WDR7: variants seen among roughly 807,000 people sequenced by gnomAD.
WDR7 encodes the protein WD repeat domain 7.
WDR7 carries 46 observed loss-of-function variants against 169.4 expected under a neutral mutation model. That is an observed-to-expected ratio of 0.27 (90% CI 0.21 to 0.35). The LOEUF is 0.35. Among genes scored for constraint, WDR7 ranks in the 10% least tolerant of loss-of-function variants. The pLI is 1.00. For synonymous variants in WDR7, 612 were observed against 666.8 expected (o/e 0.92, Z 1.27); for missense variants, 1,534 against 1,859.3 (o/e 0.83, Z 3.22).
intron 14 of WDR7, among the ~76,000 whole-genome samples, chr18:56,732,372 A>C (rs551425479): frequency 6.6e-6 from 1 of 152,340 alleles, no homozygotes; most frequent in African/African-American, 2.4e-5. Context: ...AGTTCCATCT[A>C]AATATTCATT....
intron 19 of WDR7, 56 bp from the exon 20 acceptor site, chr18:56,815,975 G>C: frequency 7.1e-7 from 1 of 1,398,704 alleles, no homozygotes; most frequent in Non-Finnish European, 9.6e-7. Flanking sequence ...CAAACTTTCT[G>C]TTTGCTTTAC....
intron 20 of WDR7, among the ~76,000 whole-genome samples, chr18:56,822,342 C>T (rs983992090): frequency 9.2e-5 from 14 of 152,150 alleles, no homozygotes; most frequent in Admixed American, 2.0e-4. Context: ...TATGTTTATA[C>T]ACTAAAGTCA....
Position 56,923,149 on chromosome 18 carries a change from C to T in WDR7, c.3527-773C>T, listed in dbSNP as rs149390345. Among the ~76,000 whole-genome samples, 468 of 152,282 alleles carry T rather than the reference C, an allele frequency of 3.1e-3. 1 individual carries two copies. Among genetic ancestry groups the T allele is most frequent in the Non-Finnish European group, 5.5e-3 (377 of 68,004 alleles). On this transcript the variant is annotated intron_variant, in intron 21 of 27. Coordinates refer to ENST00000254442, the MANE Select transcript of WDR7 (RefSeq NM_015285.3). ...AAAAACTCTTCTAAATTACAATTGG[C>T]TTTTCGTAACCCCTGCTGGTTTTCT...
At chr18:56,664,018 G>A (rs1324721311) in intron 1 of WDR7, among the ~76,000 whole-genome samples, 3 of 151,952 alleles carry the variant, frequency 2.0e-5, no homozygotes, top group African/African-American at 7.3e-5. Flanking sequence ...AAAAGAGAGT[G>A]CATTGCAAAA....
intron 26 of WDR7, among the ~76,000 whole-genome samples, chr18:57,018,777 G>A (rs1211941621): frequency 6.6e-6 from 1 of 152,104 alleles, no homozygotes; most frequent in Admixed American, 6.6e-5. Context: ...CCTCAGATTG[G>A]CCCAATAGAA....
intron 21 of WDR7, among the ~76,000 whole-genome samples, chr18:56,922,329 G>C (rs2046738115): frequency 6.6e-6 from 1 of 151,966 alleles, no homozygotes; most frequent in Admixed American, 6.6e-5. Flanking sequence ...TACCCTCAAG[G>C]AGCTGACAGA....
intron 19 of WDR7, among the ~76,000 whole-genome samples, chr18:56,810,910 G>A (rs1348266842): frequency 6.6e-6 from 1 of 151,998 alleles, no homozygotes; most frequent in African/African-American, 2.4e-5. Flanking sequence ...ACCCCAAAGT[G>A]AAACCTCAGC....
intron 21 of WDR7, among the ~76,000 whole-genome samples, chr18:56,920,585 C>T (rs1013652260): frequency 2.6e-5 from 4 of 152,116 alleles, no homozygotes; most frequent in African/African-American, 7.2e-5. Context: ...TTTTTAATAC[C>T]GTCACTGGAG....
At chr18:56,820,320 C>T (rs1440256360) in intron 20 of WDR7, among the ~76,000 whole-genome samples, 2 of 79,352 alleles carry the variant, frequency 2.5e-5, no homozygotes, top group Non-Finnish European at 4.5e-5. Context: ...GATAAAGGGT[C>T]AAGAGTCACT....
chr18:56,752,364 ATCT>A (rs1302627150), intron 14 of WDR7, among the ~76,000 whole-genome samples: 1 of 152,074 alleles, frequency 6.6e-6, no homozygotes, highest in Non-Finnish European at 1.5e-5. Context: ...TGCTCATTAC[ATCT>A]TCCATGCGGG....
intron 26 of WDR7, among the ~76,000 whole-genome samples, chr18:56,992,325 A>G (rs1001675733): frequency 5.9e-5 from 9 of 152,244 alleles, no homozygotes; most frequent in African/African-American, 1.7e-4. Context: ...GGAAGAAACT[A>G]TGGAATATCT....
intron 26 of WDR7, among the ~76,000 whole-genome samples, chr18:56,967,461 G>C (rs183037818): frequency 1.2e-3 from 184 of 152,134 alleles, no homozygotes; most frequent in African/African-American, 4.1e-3. Context: ...TTGATAGGCT[G>C]TGCTCTTGCT....
chr18:56,849,745 T>A (rs975259172), intron 20 of WDR7, among the ~76,000 whole-genome samples: 1 of 152,070 alleles, frequency 6.6e-6, no homozygotes, highest in South Asian at 2.1e-4. Flanking sequence ...TTCCAATAGC[T>A]TTTTTAAAAC....
chr18:56,833,054 G>A (rs529133330), intron 20 of WDR7, among the ~76,000 whole-genome samples: 198 of 151,456 alleles, frequency 1.3e-3, no homozygotes, highest in Middle Eastern at 6.8e-3. Flanking sequence ...CTAAAGGAGC[G>A]TGTTCTAACC....
chr18:56,708,334 C>T (rs1365771045), intron 12 of WDR7, among the ~76,000 whole-genome samples: 2 of 151,882 alleles, frequency 1.3e-5, no homozygotes, highest in Non-Finnish European at 2.9e-5. Context: ...ATGCCTGGCC[C>T]AGTGTTTATT....
At chr18:56,902,147 A>T (rs1213273828) in intron 21 of WDR7, among the ~76,000 whole-genome samples, 1 of 152,126 alleles carries the variant, frequency 6.6e-6, no homozygotes, top group African/African-American at 2.4e-5. Context: ...AGTTGGCTTG[A>T]GTTGAACAGG....
chr18:56,884,373 T>G (rs761262557), intron 21 of WDR7, among the ~76,000 whole-genome samples: 1 of 152,236 alleles, frequency 6.6e-6, no homozygotes, highest in Non-Finnish European at 1.5e-5. Flanking sequence ...TACTGATTTG[T>G]TTGAGTTCCT....
At chr18:56,706,292 AATG>A (rs1002015608) in intron 12 of WDR7, among the ~76,000 whole-genome samples, 53 of 152,358 alleles carry the variant, frequency 3.5e-4, no homozygotes, top group African/African-American at 1.3e-3. Context: ...AGTCATTATC[AATG>A]ATTTTTCTTA....
chr18:56,678,501 T>TA (rs373111281), intron 2 of WDR7, among the ~76,000 whole-genome samples: 139,281 of 151,700 alleles, frequency 0.92, 65,083 homozygotes, highest in East Asian at 1. Flanking sequence ...AACACTGTGG[T>TA]CTTTTTTTTT....
Sources: gnomAD v4.1 joint callset for allele counts (sites outside exome capture counted in the v4.1 genomes callset) on GRCh38, gnomAD v4.1.1 for gene constraint, MANE v1.5 for transcripts, NCBI Gene and HGNC (gene_info 2026-07-23, HGNC 2026-07-21) for gene names.